The following GDAP1L1 variants were observed in gnomAD, a reference collection of about 807,000 sequenced individuals.
The protein encoded by GDAP1L1 is ganglioside induced differentiation associated protein 1 like 1.
GDAP1L1 carries 21 observed loss-of-function variants against 37.1 expected under a neutral mutation model. The observed-to-expected ratio is 0.57, with a 90% CI of 0.40 to 0.81. GDAP1L1 has a LOEUF of 0.81. GDAP1L1 is among the 40% of genes least tolerant of loss of function. The pLI is 0.00. For missense variants in GDAP1L1, 362 were observed against 491.6 expected, an observed-to-expected ratio of 0.74 and a Z score of 2.49; for synonymous variants, 193 against 209.1, an observed-to-expected ratio of 0.92 and a Z score of 0.67.
At position 44,264,629 on chromosome 20, in the gene GDAP1L1, G is replaced by A. The variant is rs867563744; in HGVS notation, c.760+70G>A. On this transcript the variant is annotated intron_variant, in intron 5 of 5. Transcript: ENST00000342560. ...CCTACTCTTCCCCTGCCCAGTCTCA[G>A]CCTCTTTTTTCCGCAAAAGTCTCAG... The A allele has an allele frequency of 3.2e-6, 5 of 1,559,508 alleles. No individual in the cohort carries two copies. The Middle Eastern group carries it at 5.0e-4, about 157-fold the overall frequency.
chr20:44,278,812 C>A, intron 5 of GDAP1L1, 145 bp from the exon 6 acceptor site: 1 of 591,504 alleles, frequency 1.7e-6, no homozygotes, highest in Non-Finnish European at 3.0e-6. Flanking sequence ...GAGGATATGG[C>A]AAAAATCACT....
At chr20:44,264,372 G>A in intron 4 of GDAP1L1, 73 bp from the exon 5 acceptor site, 1 of 1,380,554 alleles carries the variant, frequency 7.2e-7, no homozygotes. Flanking sequence ...GTTCAGCAAA[G>A]CTCCTTCCAT....
At chr20:44,265,304 C>T in intron 5 of GDAP1L1, 4 of 985,426 alleles carry the variant, frequency 4.1e-6, no homozygotes, top group Non-Finnish European at 4.8e-6. Flanking sequence ...AGCACCCTTC[C>T]TACACCACTC....
rs760649918 is a variant in GDAP1L1 at position 44,264,437 on chromosome 20, G to T, written c.646-8G>T. On this transcript the variant is annotated splice_region_variant and splice_polypyrimidine_tract_variant and intron_variant, in intron 4 of 5. Coordinates refer to ENST00000342560, the MANE Select transcript of GDAP1L1 (RefSeq NM_024034.6). ...ACTCAGCTTCTCTTGGCCCTGTCCTGCCCCCAGGCCAAGATCTTGGAGCAT... is the reference window on the plus strand; with the variant it reads ...ACTCAGCTTCTCTTGGCCCTGTCCTTCCCCCAGGCCAAGATCTTGGAGCAT... 2 of 1,483,652 alleles carry T rather than the reference G, an allele frequency of 1.3e-6. No homozygotes were observed. The highest frequency in any genetic ancestry group is 8.9e-7 in the Non-Finnish European group (1 of 1,117,396). The allele number at this position is 1,483,652 out of a possible 1,614,324, so 91.9% of individuals were successfully genotyped here.
At position 44,263,208 on chromosome 20, in the gene GDAP1L1, AC is replaced by A. The variant is rs767013820; in HGVS notation, c.548-20del. On this transcript the variant is annotated intron_variant, in intron 3 of 5. Transcript: ENST00000342560. Reference sequence around the variant, plus strand: ...GCAACCAAGGTATCAGAGGGATGGGACCTTTCCTATTATCTCCCCAGGACAT... The same window carrying A: ...GCAACCAAGGTATCAGAGGGATGGGACTTTCCTATTATCTCCCCAGGACAT... 5 of 1,599,138 alleles carry A rather than the reference AC, an allele frequency of 3.1e-6. No individual in the cohort carries two copies. The East Asian group carries it at 6.7e-5, about 21-fold the overall frequency.
intron 5 of GDAP1L1, among the ~76,000 whole-genome samples, chr20:44,273,367 G>A (rs2062540332): frequency 6.6e-6 from 1 of 151,968 alleles, no homozygotes; most frequent in South Asian, 2.1e-4. Flanking sequence ...CTAGTCCCTG[G>A]GCCTGTTCTC....
intron 2 of GDAP1L1, among the ~76,000 whole-genome samples, chr20:44,257,996 G>T (rs73906997): frequency 0.054 from 8,153 of 152,166 alleles, 767 homozygotes; most frequent in African/African-American, 0.19. Flanking sequence ...CTCTCCCCTC[G>T]TAGGCCCTCC....
intron 1 of GDAP1L1, among the ~76,000 whole-genome samples, chr20:44,249,847 T>C (rs1490226558): frequency 4.6e-5 from 7 of 152,168 alleles, no homozygotes; most frequent in Non-Finnish European, 1.0e-4. Flanking sequence ...TAGTCCTGGG[T>C]TCTATTCTCG....
chr20:44,263,402 G>C, intron 4 of GDAP1L1, 75 bp downstream of exon 4: 1 of 1,011,158 alleles, frequency 9.9e-7, no homozygotes, highest in African/African-American at 1.6e-5. Flanking sequence ...GAGAAACTAA[G>C]TAGAAGATCA....
In GDAP1L1 at chr20:44,279,357, C is replaced by A; in HGVS notation, c.*57C>A. On this transcript the variant is annotated 3_prime_UTR_variant, in exon 6 of 6. Coordinates refer to ENST00000342560, the MANE Select transcript of GDAP1L1 (RefSeq NM_024034.6). ...GGTGTCTCTGTGCTGTGTGATTCCC[C>A]GTGAGCTCTCAGTAACTCACTGTCT... is the stretch of plus-strand genomic sequence containing the variant. 2.6e-6 allele frequency: 3 copies of A among 1,132,476 alleles called. No individual in the cohort carries two copies. Among genetic ancestry groups the A allele is most frequent in the Non-Finnish European group, 4.0e-6 (3 of 758,906 alleles). The allele number at this position is 1,132,476 out of a possible 1,614,324, so 70.2% of individuals were successfully genotyped here.
chr20:44,258,702 T>G, intron 3 of GDAP1L1, 95 bp downstream of exon 3: 1 of 857,170 alleles, frequency 1.2e-6, no homozygotes, highest in Non-Finnish European at 1.8e-6. Flanking sequence ...GGCCTCTCTC[T>G]GTCCTCCCCT....
chr20:44,258,312 C>T (rs996903587), intron 2 of GDAP1L1, 122 bp from the exon 3 acceptor site: 14 of 974,380 alleles, frequency 1.4e-5, no homozygotes, highest in Admixed American at 8.0e-5. Context: ...CAGCCAAGCC[C>T]GAGCATGGGG....
chr20:44,250,009 GA>G (rs1351984846), intron 1 of GDAP1L1, among the ~76,000 whole-genome samples: 19 of 152,306 alleles, frequency 1.2e-4, no homozygotes, highest in Non-Finnish European at 2.2e-4. Flanking sequence ...CATGTAGTAG[GA>G]GCTTAGCAGA....
chr20:44,260,357 T>C (rs1477036417), intron 3 of GDAP1L1, among the ~76,000 whole-genome samples: 1 of 151,672 alleles, frequency 6.6e-6, no homozygotes, highest in African/African-American at 2.4e-5. Context: ...ACACAGGTGC[T>C]TGCACTGCAA....
intron 4 of GDAP1L1, 27 bp downstream of exon 4, chr20:44,263,354 C>T (rs1176906231): frequency 7.6e-6 from 11 of 1,438,280 alleles, no homozygotes; most frequent in Non-Finnish European, 1.1e-5. Context: ...CTGCTGAGTC[C>T]CCTTCCCTAC....
At chr20:44,265,537 T>G (rs1450054762) in intron 5 of GDAP1L1, 1 of 952,628 alleles carries the variant, frequency 1.0e-6, no homozygotes, top group East Asian at 1.2e-4. Context: ...TAAGAAAAAC[T>G]TGAAATAGAG....
intron 4 of GDAP1L1, 104 bp downstream of exon 4, chr20:44,263,431 A>G (rs2073708861): frequency 2.3e-6 from 2 of 870,052 alleles, no homozygotes; most frequent in Non-Finnish European, 3.8e-6. Context: ...TATGAAATGG[A>G]AAAGCCCCTG....
intron 4 of GDAP1L1, 138 bp from the exon 5 acceptor site, chr20:44,264,307 C>CG (rs940059189): frequency 3.0e-5 from 36 of 1,215,728 alleles, no homozygotes; most frequent in East Asian, 1.1e-4. Context: ...TGCTTCATAA[C>CG]GGGGGGGCAT....
At chr20:44,264,373 C>T in intron 4 of GDAP1L1, 72 bp from the exon 5 acceptor site, 1 of 1,380,262 alleles carries the variant, frequency 7.2e-7, no homozygotes. Flanking sequence ...TTCAGCAAAG[C>T]TCCTTCCATC....
Sources: gnomAD v4.1 joint callset for allele counts (sites outside exome capture counted in the v4.1 genomes callset) on GRCh38, gnomAD v4.1.1 for gene constraint, MANE v1.5 for transcripts, NCBI Gene and HGNC (gene_info 2026-07-23, HGNC 2026-07-21) for gene names.